PABIR3: variants seen among roughly 807,000 people sequenced by gnomAD.
PABIR3 encodes the protein PABIR family member 1.
In PABIR3, 20 loss-of-function variants were observed where a neutral mutation model predicts 23.1. The observed-to-expected ratio is 0.86, with a 90% CI of 0.61 to 1.26. The LOEUF is 1.26. Among genes scored for constraint, PABIR3 ranks in the 50% most tolerant of loss-of-function variants. The pLI is 0.00. For missense variants in PABIR3, 189 were observed against 195.4 expected, an observed-to-expected ratio of 0.97 and a Z score of 0.20; for synonymous variants, 69 against 68.5, an observed-to-expected ratio of 1.01 and a Z score of -0.04.
chrX:134,829,369 C>A, intron 4 of PABIR3, 87 bp downstream of exon 4: 1 of 750,541 alleles, frequency 1.3e-6, no homozygotes, highest in Non-Finnish European at 2.0e-6. Context: ...TTCAGTAATT[C>A]TAAGTGAGGT....
intron 10 of PABIR3, among the ~76,000 whole-genome samples, chrX:134,853,753 G>A (rs932875408): frequency 6.3e-5 from 7 of 110,614 alleles, no homozygotes; most frequent in African/African-American, 2.3e-4. Context: ...CTGAGTAGCT[G>A]GGACTACAGG....
At chrX:134,846,416 C>T (rs1310167880) in intron 6 of PABIR3, among the ~76,000 whole-genome samples, 4 of 111,982 alleles carry the variant, frequency 3.6e-5, no homozygotes, top group Non-Finnish European at 7.5e-5. Context: ...TTAGTTTCAT[C>T]TCTTGTTAAC....
intron 2 of PABIR3, chrX:134,809,066 G>C (rs1417580149): frequency 8.0e-6 from 1 of 125,622 alleles, no homozygotes; most frequent in Admixed American, 9.0e-5. Context: ...TGTCTAAAAA[G>C]GCTTTTTAGA....
intron 3 of PABIR3, chrX:134,821,265 A>AC (rs2081280216): frequency 2.2e-5 from 22 of 978,893 alleles, no homozygotes; most frequent in Non-Finnish European, 2.4e-5. Flanking sequence ...AAAAAAAAAA[A>AC]AACTGTTCCC....
chrX:134,846,717 G>A (rs2082449676), intron 6 of PABIR3, among the ~76,000 whole-genome samples: 2 of 111,874 alleles, frequency 1.8e-5, no homozygotes, highest in African/African-American at 6.5e-5. Context: ...GGTCATCTCT[G>A]GAGCCTGTCA....
At chrX:134,809,167 C>CTTT (rs762558459) in intron 2 of PABIR3, 16 of 129,700 alleles carry the variant, frequency 1.2e-4, no homozygotes, top group Middle Eastern at 3.7e-3. Flanking sequence ...ATCTTGTTTC[C>CTTT]TTTTTTTTTT....
At chrX:134,853,504 A>C (rs765385886) in intron 10 of PABIR3, among the ~76,000 whole-genome samples, 1 of 112,297 alleles carries the variant, frequency 8.9e-6, no homozygotes, top group East Asian at 2.8e-4. Flanking sequence ...TCTTCTGCCC[A>C]TCTTCCTTGG....
intron 4 of PABIR3, 123 bp from the exon 5 acceptor site, chrX:134,845,082 A>G: frequency 3.6e-6 from 2 of 559,296 alleles, no homozygotes; most frequent in Non-Finnish European, 5.9e-6. Context: ...TTAGAGATTT[A>G]TTTATTCTCT....
At chrX:134,802,899 G>T (rs1229210957), upstream of PABIR3, among the ~76,000 whole-genome samples, 1 of 112,716 alleles carries the variant, frequency 8.9e-6, no homozygotes, top group East Asian at 2.8e-4. Context: ...CAGCAGTCTG[G>T]TGTCTTTCCA....
At chrX:134,814,896 T>C in intron 3 of PABIR3, 47 bp downstream of exon 3, 2 of 993,884 alleles carry the variant, frequency 2.0e-6, no homozygotes, top group Non-Finnish European at 1.4e-6. Context: ...CTTGTGCTTA[T>C]TGGTCTCAAC....
chrX:134,809,167 C>CTT (rs762558459), intron 2 of PABIR3: 172 of 127,394 alleles, frequency 1.4e-3, no homozygotes, highest in Middle Eastern at 3.7e-3. Flanking sequence ...ATCTTGTTTC[C>CTT]TTTTTTTTTT....
intron 9 of PABIR3, among the ~76,000 whole-genome samples, chrX:134,849,839 A>G (rs998940081): frequency 2.9e-5 from 3 of 102,366 alleles, no homozygotes; most frequent in African/African-American, 1.1e-4. Flanking sequence ...CCACTTCTCA[A>G]TGGTACCTCA....
intron 4 of PABIR3, among the ~76,000 whole-genome samples, chrX:134,839,798 C>T (rs1603236550): frequency 9.1e-6 from 1 of 110,423 alleles, no homozygotes; most frequent in African/African-American, 3.3e-5. Flanking sequence ...CGCCTCTGCC[C>T]GGCCGCCCCT....
At chrX:134,861,181 A>G in the PABIR3 span, among the ~76,000 whole-genome samples, 1,358 of 110,362 alleles carry the variant, frequency 0.012, 21 homozygotes, top group African/African-American at 0.043. Context: ...AGGCTGAGGC[A>G]GGAGAATCGC....
chrX:134,847,532 G>T, intron 7 of PABIR3, 57 bp downstream of exon 7: 1 of 848,712 alleles, frequency 1.2e-6, no homozygotes, highest in South Asian at 2.2e-5. Context: ...AAATATTTAG[G>T]AACATTAATG....
intron 3 of PABIR3, chrX:134,821,611 A>C (rs1333455140): frequency 8.8e-7 from 1 of 1,131,676 alleles, no homozygotes; most frequent in South Asian, 1.9e-5. Flanking sequence ...CATCTGTTCT[A>C]ATTTTAGGCC....
intron 2 of PABIR3, chrX:134,811,232 A>C (rs1251324856): frequency 1.7e-6 from 1 of 605,794 alleles, no homozygotes; most frequent in East Asian, 1.7e-4. Flanking sequence ...TAATTGGCTG[A>C]CTTTATTACT....
chrX:134,836,047 C>T (rs1295018003), intron 4 of PABIR3, among the ~76,000 whole-genome samples: 1 of 111,599 alleles, frequency 9.0e-6, no homozygotes, highest in East Asian at 2.8e-4. Context: ...CATATTGGTC[C>T]GACTGGTCTA....
intron 3 of PABIR3, among the ~76,000 whole-genome samples, chrX:134,826,476 C>T (rs1275131349): frequency 9.0e-6 from 1 of 111,445 alleles, no homozygotes; most frequent in Non-Finnish European, 1.9e-5. Context: ...CTGGTTTCTT[C>T]AGTGGATTGT....
Sources: gnomAD v4.1 joint callset for allele counts (sites outside exome capture counted in the v4.1 genomes callset) on GRCh38, gnomAD v4.1.1 for gene constraint, MANE v1.5 for transcripts, NCBI Gene and HGNC (gene_info 2026-07-23, HGNC 2026-07-21) for gene names.